Variants in ZC3H3 observed in about 807,000 individuals in gnomAD.
ZC3H3 encodes zinc finger CCCH domain-containing protein 3.
ZC3H3 carries 36 observed loss-of-function variants against 77.3 expected under a neutral mutation model. The ratio of observed to expected loss-of-function variants is 0.47; its 90% CI spans 0.36 to 0.61. The LOEUF is 0.61. Among genes scored for constraint, ZC3H3 ranks in the 20% least tolerant of loss-of-function variants. ZC3H3 has a pLI of 0.00. For missense variants in ZC3H3, 1,331 were observed against 1,312.2 expected (o/e 1.01, Z -0.22); for synonymous variants, 626 against 555.2 (o/e 1.13, Z -1.79).
chr8:143,535,268 G>C (rs1322151119), intron 3 of ZC3H3, among the ~76,000 whole-genome samples: 1 of 152,064 alleles, frequency 6.6e-6, no homozygotes, highest in African/African-American at 2.4e-5. Flanking sequence ...TGAACTCCTG[G>C]CCTCAAGTGA....
intron 4 of ZC3H3, among the ~76,000 whole-genome samples, chr8:143,504,744 GC>G (rs1368196055): frequency 6.6e-6 from 1 of 152,066 alleles, no homozygotes; most frequent in African/African-American, 2.4e-5. Context: ...GACCCCCAGG[GC>G]CTTCCCTCAA....
chr8:143,476,109 A>G (rs1013079998), intron 4 of ZC3H3, among the ~76,000 whole-genome samples: 3 of 152,014 alleles, frequency 2.0e-5, no homozygotes, highest in Non-Finnish European at 4.4e-5. Flanking sequence ...GGCTGGGGCT[A>G]TTTCTACCAA....
chr8:143,525,117 G>A (rs144471347), intron 3 of ZC3H3, among the ~76,000 whole-genome samples: 3 of 69,442 alleles, frequency 4.3e-5, no homozygotes, highest in East Asian at 7.1e-4. Flanking sequence ...AGGCAGAGTC[G>A]CACCTCGCCA....
intron 1 of ZC3H3, 108 bp downstream of exon 1, chr8:143,541,267 AC>A: frequency 7.7e-6 from 12 of 1,561,640 alleles, no homozygotes; most frequent in Non-Finnish European, 1.0e-5. Flanking sequence ...CCCAGCCGCC[AC>A]CCAGAACACG....
At chr8:143,461,362 C>T (rs1055589239) in intron 9 of ZC3H3, among the ~76,000 whole-genome samples, 1 of 152,092 alleles carries the variant, frequency 6.6e-6, no homozygotes, top group Non-Finnish European at 1.5e-5. Flanking sequence ...CCAGAGCTAG[C>T]GAGGAAGTAA....
Position 143,530,520 on chromosome 8 carries a change from G to A in ZC3H3, c.1561+5737C>T, listed in dbSNP as rs553837508. Among the ~76,000 whole-genome samples the A allele has an allele frequency of 1.8e-4, 27 of 152,256 alleles. No homozygotes were observed. Among genetic ancestry groups the A allele is most frequent in the African/African-American group, 6.3e-4 (26 of 41,558 alleles). ...CAAGAAGCTCCCCAGCCTGGGCACA[G>A]GGTGGTGGGTGGGAGAGCTGGCCCT... is the stretch of plus-strand genomic sequence containing the variant. On this transcript the variant is annotated intron_variant, in intron 3 of 11. Transcript: ENST00000262577. The surrounding 1 kb of genome is among the most constrained non-coding windows in gnomAD (Gnocchi z 4.3).
chr8:143,470,300 G>A (rs1820528207), intron 5 of ZC3H3, among the ~76,000 whole-genome samples: 2 of 152,264 alleles, frequency 1.3e-5, no homozygotes, highest in South Asian at 4.1e-4. Flanking sequence ...GCTGGGGCAG[G>A]AGCAGGAGCT....
intron 4 of ZC3H3, among the ~76,000 whole-genome samples, chr8:143,500,158 C>T (rs1172298184): frequency 6.6e-6 from 1 of 152,246 alleles, no homozygotes; most frequent in South Asian, 2.1e-4. Context: ...CTGGGTGGGC[C>T]TCAGCACATC....
chr8:143,447,419 A>G (rs963099881), intron 9 of ZC3H3, among the ~76,000 whole-genome samples: 2 of 152,186 alleles, frequency 1.3e-5, no homozygotes, highest in African/African-American at 4.8e-5. Context: ...GACTTCATGG[A>G]ATGTAGTATC....
chr8:143,534,237 C>A (rs1822715028), intron 3 of ZC3H3, among the ~76,000 whole-genome samples: 1 of 149,724 alleles, frequency 6.7e-6, no homozygotes, highest in Admixed American at 6.6e-5. Context: ...CACCACTGTA[C>A]TCTGGCCTGG....
intron 4 of ZC3H3, among the ~76,000 whole-genome samples, chr8:143,484,298 G>A (rs1254104496): frequency 6.6e-6 from 1 of 152,200 alleles, no homozygotes; most frequent in Non-Finnish European, 1.5e-5. Flanking sequence ...ATTCGGAGGC[G>A]CCTCTGCAGC....
intron 9 of ZC3H3, among the ~76,000 whole-genome samples, chr8:143,445,849 C>CT (rs1234578819): frequency 6.6e-6 from 1 of 152,056 alleles, no homozygotes; most frequent in Non-Finnish European, 1.5e-5. Flanking sequence ...AAAATTCCAA[C>CT]TTTTTTTTAA....
rs540004871 is a variant in ZC3H3, at chr8:143,492,207, G to A, written c.1715+15539C>T. On this transcript the variant is annotated intron_variant, in intron 4 of 11. Transcript: ENST00000262577. ...GGCCCAGGTCGGGCGGCAAAGCCTC[G>A]GGGGGAGGAGTGTGCTGGCCTTGGA... 5.9e-5 allele frequency among the ~76,000 whole-genome samples: 9 copies of A among 152,284 alleles called. 1 individual carries two copies. The highest frequency in any genetic ancestry group is 1.9e-4 in the East Asian group (1 of 5,182).
In ZC3H3 at chr8:143,538,569, A is replaced by G; in HGVS notation, c.798T>C (p.Asp266=). 6.2e-7 allele frequency: 1 copy of G among 1,611,198 alleles called. No individual in the cohort carries two copies. The highest frequency in any genetic ancestry group is 1.1e-5 in the South Asian group (1 of 91,084). The part of the protein sequence containing the change: ...APQLLGDRRV[D]AGHTDQPVPS... ...GAACTGGCTGATCTGTGTGGCCAGC[A>G]TCTACTCTCCTGTCCCCAAGGAGCT... The change falls in exon 2 of 12, where the codon GAT becomes GAC. Residue 266 remains aspartate, a synonymous_variant. Transcript: ENST00000262577.
rs767310860 is a variant in ZC3H3 at position 143,539,005 on chromosome 8, T to C, written c.362A>G (p.Gln121Arg). The C allele has an allele frequency of 1.2e-5, 19 of 1,613,104 alleles. No homozygotes were observed. In the South Asian group the frequency reaches 1.6e-4, roughly 14 times the overall value. ...LERQVQLSQG[Q>R]NVVIKVKPPS... The stretch of plus-strand genomic sequence containing the variant: ...CGGTTTAACTTTGATGACCACGTTC[T>C]GACCCTGACTGAGCTGGACCTGTCT... The change falls in exon 2 of 12, where the codon CAG becomes CGG. Residue 121 changes from glutamine to arginine, a missense_variant. Coordinates refer to ENST00000262577, the MANE Select transcript of ZC3H3 (RefSeq NM_015117.3).
At chr8:143,456,972 T>C (rs1386739630) in intron 9 of ZC3H3, among the ~76,000 whole-genome samples, 3 of 152,204 alleles carry the variant, frequency 2.0e-5, no homozygotes, top group African/African-American at 4.8e-5. Flanking sequence ...CTGTTAGCTA[T>C]GAAAGGAGAA....
chr8:143,536,121 G>A (rs1460521658), intron 3 of ZC3H3, 136 bp downstream of exon 3: 26 of 1,096,076 alleles, frequency 2.4e-5, no homozygotes, highest in Middle Eastern at 3.0e-4. Context: ...CACCACCACC[G>A]TCTGCCAGGC....
intron 1 of ZC3H3, 135 bp from the exon 2 acceptor site, chr8:143,539,455 G>T: frequency 2.1e-6 from 2 of 950,736 alleles, no homozygotes; most frequent in Non-Finnish European, 3.0e-6. Flanking sequence ...TTCAGGAGGG[G>T]CAGCCCCCAG....
At chr8:143,480,797 G>C (rs1043947789) in intron 4 of ZC3H3, among the ~76,000 whole-genome samples, 2 of 152,210 alleles carry the variant, frequency 1.3e-5, no homozygotes, top group Admixed American at 6.5e-5. Flanking sequence ...GAGAATGCTG[G>C]GCCTGGTAGT....
Sources: gnomAD v4.1 joint callset for allele counts (sites outside exome capture counted in the v4.1 genomes callset) on GRCh38, gnomAD v4.1.1 for gene constraint, Gnocchi (gnomAD v3.1) non-coding constraint, MANE v1.5 for transcripts, NCBI Gene and HGNC (gene_info 2026-07-23, HGNC 2026-07-21) for gene names.